Variants in AGBL1 observed in about 807,000 individuals in gnomAD.
AGBL1 encodes cytosolic carboxypeptidase 4.
In AGBL1, 130 loss-of-function variants were observed where a neutral mutation model predicts 118.9. The observed-to-expected ratio is 1.09, with a 90% CI of 0.95 to 1.26. The LOEUF is 1.26. AGBL1 is among the 50% of genes most tolerant of loss of function. The pLI is 0.00. For synonymous variants in AGBL1, 555 were observed against 478.9 expected (o/e 1.16, Z -2.08); for missense variants, 1,584 against 1,298.1 (o/e 1.22, Z -3.38).
intron 16 of AGBL1, among the ~76,000 whole-genome samples, chr15:86,286,026 G>C (rs917641281): frequency 1.3e-5 from 2 of 151,836 alleles, no homozygotes; most frequent in African/African-American, 4.8e-5. Context: ...AGGCACCAAA[G>C]GGCTATGGCT....
chr15:86,305,060 T>A (rs565970813), intron 17 of AGBL1: 1 of 152,148 alleles, frequency 6.6e-6, no homozygotes, highest in Non-Finnish European at 1.5e-5. Context: ...ACACAACCAA[T>A]GTTTCTCTTT....
intron 17 of AGBL1, among the ~76,000 whole-genome samples, chr15:86,334,863 A>G (rs2080335395): frequency 6.6e-6 from 1 of 152,170 alleles, no homozygotes; most frequent in Non-Finnish European, 1.5e-5. Context: ...GCCATTGACC[A>G]AGACGATGAA....
At chr15:86,408,748 G>T (rs565803957) in intron 18 of AGBL1, among the ~76,000 whole-genome samples, 2 of 152,264 alleles carry the variant, frequency 1.3e-5, no homozygotes, top group South Asian at 4.1e-4. Context: ...GTGTCAAGAT[G>T]CTCTAAGGGG....
intron 22 of AGBL1, among the ~76,000 whole-genome samples, chr15:86,806,523 A>C (rs1360230064): frequency 6.6e-6 from 1 of 152,174 alleles, no homozygotes; most frequent in Admixed American, 6.6e-5. Context: ...GTAGTTCAAG[A>C]CAAGGACTTC....
In AGBL1 at chr15:86,829,868, G is replaced by A. The variant is rs562214198; in HGVS notation, c.3159-77219G>A. 1.3e-3 allele frequency among the ~76,000 whole-genome samples: 205 copies of A among 152,138 alleles called. 1 individual carries two copies. The highest frequency in any genetic ancestry group is 4.7e-3 in the African/African-American group (194 of 41,526). On this transcript the variant is annotated intron_variant, in intron 22 of 22. Transcript: ENST00000614907. ...AAAACTAGTTGCGTGCATTTGTTCA[G>A]TTCATTGCAGAATCTTTAGCACCCT... is the stretch of plus-strand genomic sequence containing the variant.
chr15:86,568,988 A>T (rs1325677444), intron 21 of AGBL1, among the ~76,000 whole-genome samples: 1 of 152,174 alleles, frequency 6.6e-6, no homozygotes, highest in Non-Finnish European at 1.5e-5. Context: ...ATCTATGCCA[A>T]CATTTTAATG....
intron 23 of AGBL1, among the ~76,000 whole-genome samples, chr15:86,946,530 G>C (rs1292623050): frequency 1.3e-5 from 2 of 151,960 alleles, no homozygotes; most frequent in Non-Finnish European, 2.9e-5. Context: ...TTCTGTTGAA[G>C]TGTCTAGTGG....
At chr15:86,866,727 G>C (rs1433795781) in intron 22 of AGBL1, among the ~76,000 whole-genome samples, 1 of 152,148 alleles carries the variant, frequency 6.6e-6, no homozygotes, top group African/African-American at 2.4e-5. Flanking sequence ...GGTGGTACAT[G>C]CCTGTAGTCC....
At chr15:86,123,488 C>T (rs1164070803) in intron 1 of AGBL1, among the ~76,000 whole-genome samples, 1 of 152,230 alleles carries the variant, frequency 6.6e-6, no homozygotes, top group South Asian at 2.1e-4. Context: ...GATCCGCCTG[C>T]CTCGGCCTCT....
At chr15:86,210,224 C>T (rs536857204) in intron 5 of AGBL1, among the ~76,000 whole-genome samples, 2 of 152,250 alleles carry the variant, frequency 1.3e-5, no homozygotes, top group East Asian at 3.9e-4. Flanking sequence ...GTAACTTGAC[C>T]TTTCTCTCTG....
chr15:86,189,039 A>G (rs998524120), intron 5 of AGBL1, among the ~76,000 whole-genome samples: 2 of 152,242 alleles, frequency 1.3e-5, no homozygotes, highest in Non-Finnish European at 2.9e-5. Flanking sequence ...TTTTGGAAAT[A>G]AGACAGCTTC....
At chr15:86,653,421 G>A (rs1377099807) in intron 21 of AGBL1, among the ~76,000 whole-genome samples, 5 of 152,250 alleles carry the variant, frequency 3.3e-5, no homozygotes, top group Middle Eastern at 3.4e-3. Context: ...AGCCCTAGCA[G>A]GACTTTTTGC....
intron 22 of AGBL1, among the ~76,000 whole-genome samples, chr15:86,839,460 C>G (rs1049821196): frequency 3.9e-5 from 6 of 152,192 alleles, no homozygotes; most frequent in Non-Finnish European, 8.8e-5. Context: ...CAGTTTGATT[C>G]ACAAAGCTCT....
Position 86,613,676 on chromosome 15 carries a change from G to A in AGBL1, c.2994+59139G>A, listed in dbSNP as rs2084686315. Reference sequence around the variant, plus strand: ...TCCCAGAAAGAGGGCATTTTCTATTGAGGGATGAAAACAAATGTTGGTTAA... The same window carrying A: ...TCCCAGAAAGAGGGCATTTTCTATTAAGGGATGAAAACAAATGTTGGTTAA... On this transcript the variant is annotated intron_variant, in intron 21 of 22. Transcript: ENST00000614907. The surrounding 1 kb of genome is among the most constrained non-coding windows in gnomAD (Gnocchi z 4.2). 6.6e-6 allele frequency among the ~76,000 whole-genome samples: 1 copy of A among 152,194 alleles called. No homozygotes were observed. Among genetic ancestry groups the A allele is most frequent in the South Asian group, 2.1e-4 (1 of 4,828 alleles).
intron 18 of AGBL1, among the ~76,000 whole-genome samples, chr15:86,461,999 T>G (rs2082340295): frequency 6.6e-6 from 1 of 152,166 alleles, no homozygotes. Flanking sequence ...AATTCTTAGC[T>G]CTGTGGTATT....
intron 24 of AGBL1, among the ~76,000 whole-genome samples, chr15:87,022,626 A>C (rs1448219221): frequency 6.6e-6 from 1 of 152,100 alleles, no homozygotes; most frequent in Non-Finnish European, 1.5e-5. Flanking sequence ...ATTCATCACA[A>C]AAAGATCATC....
chr15:86,414,101 C>G (rs2081657305), intron 18 of AGBL1, among the ~76,000 whole-genome samples: 1 of 152,038 alleles, frequency 6.6e-6, no homozygotes, highest in Non-Finnish European at 1.5e-5. Context: ...TATGTTCTCA[C>G]TTATAAGTGG....
At position 86,305,271 on chromosome 15, in the gene AGBL1, A is replaced by C. The variant is rs539410690; in HGVS notation, c.2374+9863A>C. On this transcript the variant is annotated intron_variant, in intron 17 of 22. Coordinates refer to ENST00000614907, the MANE Select transcript of AGBL1 (RefSeq NM_001386094.1). ...TGGTTTTCATAAAGCAAAACAATAC[A>C]ATTTATTGTTCATGGATATTTACAT... Among the ~76,000 whole-genome samples the C allele has an allele frequency of 3.9e-5, 6 of 152,264 alleles. No homozygotes were observed. The East Asian group carries it at 9.7e-4, about 25-fold the overall frequency.
intron 5 of AGBL1, among the ~76,000 whole-genome samples, chr15:86,185,772 G>C (rs1466395357): frequency 1.3e-5 from 2 of 151,716 alleles, no homozygotes; most frequent in African/African-American, 2.4e-5. Flanking sequence ...GGGGGGCTGG[G>C]GGAGGGATAG....
Sources: allele counts gnomAD v4.1 joint callset (sites outside exome capture counted in the v4.1 genomes callset), GRCh38; gene constraint gnomAD v4.1.1; non-coding constraint Gnocchi (gnomAD v3.1); transcripts MANE v1.5; gene names NCBI Gene and HGNC (gene_info 2026-07-23, HGNC 2026-07-21).